BRCA1: variants seen among roughly 807,000 people sequenced by gnomAD.
BRCA1 encodes the protein breast cancer type 1 susceptibility protein.
Under a neutral mutation model 173.7 loss-of-function variants are expected in BRCA1, and 140 were observed. That is an observed-to-expected ratio of 0.81 (90% CI 0.70 to 0.93). BRCA1 has a LOEUF of 0.93. BRCA1 is among the 40% of genes least tolerant of loss of function. The pLI is 0.00. For synonymous variants in BRCA1, 662 were observed against 756.0 expected (o/e 0.88, Z 2.04); for missense variants, 1,983 against 2,172.5 (o/e 0.91, Z 1.73).
intron 12 of BRCA1, 143 bp downstream of exon 12, chr17:43,082,261 G>T: frequency 2.1e-6 from 2 of 946,016 alleles, no homozygotes; most frequent in Non-Finnish European, 3.2e-6. Context: ...TGTGAGCAGG[G>T]ACAAGAACCA....
chr17:43,166,309 C>G (rs1295915490), intron 1 of BRCA1: 1 of 152,424 alleles, frequency 6.6e-6, no homozygotes, highest in African/African-American at 2.4e-5. Context: ...CTGCTGTTCT[C>G]TCAACCACTA....
At chr17:43,145,271 T>C in intron 1 of BRCA1, 2 of 662,376 alleles carry the variant, frequency 3.0e-6, no homozygotes, top group South Asian at 1.4e-5. Flanking sequence ...CCATAGACCA[T>C]GTCTTATCAG....
Position 43,093,236 on chromosome 17 carries a change from C to A in BRCA1, c.2295G>T (p.Glu765Asp). 1 of 1,614,076 alleles carries A rather than the reference C, an allele frequency of 6.2e-7. No individual in the cohort carries two copies. The change falls in exon 10 of 23, where the codon GAG becomes GAT. Residue 765 changes from glutamate (E) to aspartate (D), a missense_variant. Glu to Asp is a conservative substitution (Grantham distance 45, BLOSUM62 2). Transcript: ENST00000357654. Reference protein sequence around the residue: ...ERVLQTERSVESSSISLVPGT... With the variant: ...ERVLQTERSVDSSSISLVPGT... ...CAGGTACCAATGAAATACTGCTACT[C>A]TCTACAGATCTTTCAGTTTGCAAAA... is the stretch of plus-strand genomic sequence containing the variant.
chr17:43,047,749 CT>C, intron 21 of BRCA1, 46 bp from the exon 22 acceptor site: 1 of 1,593,976 alleles, frequency 6.3e-7, no homozygotes, highest in East Asian at 2.2e-5. Flanking sequence ...CAAAGTAGGA[CT>C]ACTGGAACTG....
At chr17:43,111,543 C>T (rs1386647948) in intron 3 of BRCA1, among the ~76,000 whole-genome samples, 2 of 151,092 alleles carry the variant, frequency 1.3e-5, no homozygotes, top group South Asian at 2.1e-4. Flanking sequence ...AAAAAACAGC[C>T]GGGCGTGGTG....
At chr17:43,049,898 T>C (rs1364493021) in intron 20 of BRCA1, among the ~76,000 whole-genome samples, 1 of 152,202 alleles carries the variant, frequency 6.6e-6, no homozygotes, top group African/African-American at 2.4e-5. Flanking sequence ...CCTGTCTGTC[T>C]GACTGAACGA....
intron 3 of BRCA1, among the ~76,000 whole-genome samples, chr17:43,112,847 A>C (rs1162784010): frequency 6.6e-6 from 1 of 150,782 alleles, no homozygotes; most frequent in Non-Finnish European, 1.5e-5. Context: ...CTTGTCGCCC[A>C]GGCTGGAGTG....
chr17:43,097,166 AAG>A lies in BRCA1; in HGVS notation c.593+76_593+77del, dbSNP rs1408091696. On this transcript the variant is annotated intron_variant, in intron 8 of 22. Coordinates refer to ENST00000357654, the MANE Select transcript of BRCA1 (RefSeq NM_007294.4). ...AAATAAAAGTTAAAATATTTTTAAA[AAG>A]AGAGAAACATCAATCCTTAATATTA... 3.6e-6 allele frequency: 5 copies of A among 1,392,956 alleles called. No homozygotes were observed. In the Admixed American group the frequency reaches 9.7e-5, roughly 27 times the overall value. The allele number at this position is 1,392,956 out of a possible 1,614,324, so 86.3% of individuals were successfully genotyped here. A position where few individuals can be genotyped will look rare whatever the true frequency, so the allele number is the denominator to read the frequency against.
At chr17:43,080,840 G>A (rs1287671334) in intron 12 of BRCA1, among the ~76,000 whole-genome samples, 1 of 151,770 alleles carries the variant, frequency 6.6e-6, no homozygotes, top group Non-Finnish European at 1.5e-5. Flanking sequence ...GATGGCTCAA[G>A]ATCAGGAGTT....
intron 2 of BRCA1, among the ~76,000 whole-genome samples, chr17:43,118,416 G>A (rs1041652563): frequency 8.7e-5 from 13 of 149,924 alleles, no homozygotes; most frequent in African/African-American, 3.0e-4. Flanking sequence ...TCGTTCTGTC[G>A]CCCAGGCTGG....
In BRCA1 at chr17:43,123,327, CTCA is replaced by C. The variant is rs1192519532; in HGVS notation, c.80+687_80+689del. On this transcript the variant is annotated intron_variant, in intron 2 of 22. Coordinates refer to ENST00000357654, the MANE Select transcript of BRCA1 (RefSeq NM_007294.4). Reference sequence around the variant, plus strand: ...AAAGGTTCTTCCAAATACCTATCCTCTCAACGACACCGATCATCCATGTTTTTT... The same window carrying C: ...AAAGGTTCTTCCAAATACCTATCCTCACGACACCGATCATCCATGTTTTTT... 0.011 allele frequency among the ~76,000 whole-genome samples: 1,578 copies of C among 149,392 alleles called. 86 individuals carry two copies. In the East Asian group the frequency reaches 0.18, roughly 17 times the overall value.
At chr17:43,137,909 G>C (rs530004963) in intron 1 of BRCA1, among the ~76,000 whole-genome samples, 2 of 151,936 alleles carry the variant, frequency 1.3e-5, no homozygotes, top group South Asian at 2.1e-4. Flanking sequence ...AAAATAGGCC[G>C]GGCGCGGTGT....
intron 22 of BRCA1, among the ~76,000 whole-genome samples, chr17:43,046,564 A>AT (rs1036210509): frequency 1.3e-5 from 2 of 151,338 alleles, no homozygotes; most frequent in African/African-American, 2.4e-5. Flanking sequence ...TGCCTGGCTA[A>AT]TTTTTTTTAG....
At chr17:43,122,104 G>T (rs1217953822) in intron 2 of BRCA1, among the ~76,000 whole-genome samples, 1 of 152,214 alleles carries the variant, frequency 6.6e-6, no homozygotes, top group Non-Finnish European at 1.5e-5. Context: ...GGGCAAGGGA[G>T]AGGATGGTTA....
intron 2 of BRCA1, among the ~76,000 whole-genome samples, chr17:43,118,732 C>T (rs1291930853): frequency 2.6e-5 from 4 of 151,094 alleles, no homozygotes; most frequent in African/African-American, 7.3e-5. Context: ...CTACTATACC[C>T]GGCCTTTAGC....
At chr17:43,080,479 G>A (rs1339050100) in intron 12 of BRCA1, among the ~76,000 whole-genome samples, 1 of 151,896 alleles carries the variant, frequency 6.6e-6, no homozygotes, top group Non-Finnish European at 1.5e-5. Flanking sequence ...TTACAGGCGT[G>A]AGCCACCGTA....
At chr17:43,168,991 C>T (rs1433960567) in intron 1 of BRCA1, among the ~76,000 whole-genome samples, 2 of 152,142 alleles carry the variant, frequency 1.3e-5, no homozygotes, top group Non-Finnish European at 2.9e-5. Flanking sequence ...TCAAGCACAT[C>T]CCTGCCGGCA....
chr17:43,102,413 G>A (rs372920589), intron 6 of BRCA1, among the ~76,000 whole-genome samples: 45 of 142,682 alleles, frequency 3.2e-4, no homozygotes, highest in African/African-American at 1.2e-3. Context: ...CTGGAGTGCA[G>A]TGGCGCAATC....
At chr17:43,144,853 C>A in intron 1 of BRCA1, 1 of 500,326 alleles carries the variant, frequency 2.0e-6, no homozygotes, top group Non-Finnish European at 3.9e-6. Flanking sequence ...AGAGCAGCTC[C>A]GGTGGCGGGA....
Sources: gnomAD v4.1 joint callset for allele counts (sites outside exome capture counted in the v4.1 genomes callset) on GRCh38, gnomAD v4.1.1 for gene constraint, MANE v1.5 for transcripts, NCBI Gene and HGNC (gene_info 2026-07-23, HGNC 2026-07-21) for gene names.